The following GALNT17 variants were observed in gnomAD, a reference collection of about 807,000 sequenced individuals.
GALNT17 encodes the protein UDP-GalNAc:polypeptide N-acetylgalactosaminyltransferase-like 3.
A neutral mutation model predicts 63.7 loss-of-function variants in GALNT17; 29 were observed. The observed-to-expected ratio is 0.46, with a 90% CI of 0.34 to 0.62. The LOEUF (loss-of-function observed/expected upper bound fraction) is 0.62. Among genes scored for constraint, GALNT17 ranks in the 20% least tolerant of loss-of-function variants. The pLI, the probability that GALNT17 is intolerant of heterozygous loss-of-function variation, is 0.01. For synonymous variants in GALNT17, 305 were observed against 318.3 expected (o/e 0.96, Z 0.45); for missense variants, 603 against 799.6 (o/e 0.75, Z 2.97).
intron 5 of GALNT17, among the ~76,000 whole-genome samples, chr7:71,507,886 C>T (rs1788292888): frequency 6.6e-6 from 1 of 152,172 alleles, no homozygotes; most frequent in Admixed American, 6.5e-5. Flanking sequence ...CAGCATGCAG[C>T]TCACAGGCTT....
chr7:71,177,159 T>C (rs1218313998), intron 1 of GALNT17, among the ~76,000 whole-genome samples: 1 of 152,136 alleles, frequency 6.6e-6, no homozygotes, highest in Non-Finnish European at 1.5e-5. Flanking sequence ...TGTCCTCATA[T>C]GTTCGAGGAC....
intron 6 of GALNT17, among the ~76,000 whole-genome samples, chr7:71,586,718 TTTTA>T (rs1248304360): frequency 2.0e-5 from 3 of 152,094 alleles, no homozygotes; most frequent in African/African-American, 4.8e-5. Flanking sequence ...GAAAGGATTC[TTTTA>T]TTTATTTATT....
Position 71,385,604 on chromosome 7 carries a change from G to T in GALNT17, c.423-2631G>T, listed in dbSNP as rs892680874. Among the ~76,000 whole-genome samples the T allele has an allele frequency of 3.3e-5, 5 of 152,292 alleles. No homozygotes were observed. The East Asian group carries it at 9.7e-4, about 29-fold the overall frequency. On this transcript the variant is annotated intron_variant, in intron 2 of 10. Transcript: ENST00000333538. ...CCCGCCAGCCTGATTAACCCCAGGG[G>T]AGGTGGAGCCGGCTTCTGCTCACCC...
chr7:71,489,896 G>C (rs1003512590), intron 5 of GALNT17, among the ~76,000 whole-genome samples: 1 of 152,152 alleles, frequency 6.6e-6, no homozygotes, highest in Admixed American at 6.5e-5. Flanking sequence ...CATTGGCCAC[G>C]CTGTGTAATC....
At chr7:71,171,202 G>A (rs1394687051) in intron 1 of GALNT17, among the ~76,000 whole-genome samples, 1 of 152,202 alleles carries the variant, frequency 6.6e-6, no homozygotes, top group Non-Finnish European at 1.5e-5. Context: ...GCTTTGTGAA[G>A]TTAGCTATTA....
chr7:71,539,147 G>C (rs1202970296), intron 5 of GALNT17, among the ~76,000 whole-genome samples: 2 of 152,064 alleles, frequency 1.3e-5, no homozygotes, highest in African/African-American at 4.8e-5. Flanking sequence ...GGCCACGCTA[G>C]TCTCAAACTC....
rs549226966 is a variant in GALNT17 at position 71,448,457 on chromosome 7, AATCTCTGATTTTTC to A, written c.962+27357_962+27370del. Among the ~76,000 whole-genome samples, 565 of 151,356 alleles carry A rather than the reference AATCTCTGATTTTTC, an allele frequency of 3.7e-3. 3 individuals are homozygous for A. Among genetic ancestry groups the A allele is most frequent in the African/African-American group, 0.013 (520 of 41,258 alleles). On this transcript the variant is annotated intron_variant, in intron 5 of 10. Coordinates refer to ENST00000333538, the MANE Select transcript of GALNT17 (RefSeq NM_022479.3). Reference sequence around the variant, plus strand: ...GTGGACTGTTTCTTTGTTTTTCTTTAATCTCTGATTTTTCATCTTTTATCTTTTGTCTGTATTTC... The same window carrying A: ...GTGGACTGTTTCTTTGTTTTTCTTTAATCTTTTATCTTTTGTCTGTATTTC...
chr7:71,313,824 A>G (rs965967003), intron 1 of GALNT17, among the ~76,000 whole-genome samples: 1 of 152,134 alleles, frequency 6.6e-6, no homozygotes, highest in Non-Finnish European at 1.5e-5. Flanking sequence ...CAGAGTAACT[A>G]TTTCGGTGGT....
At chr7:71,583,336 C>G (rs148948331) in intron 6 of GALNT17, among the ~76,000 whole-genome samples, 12,440 of 152,166 alleles carry the variant, frequency 0.082, 530 homozygotes, top group South Asian at 0.13. Context: ...CCTCATGATC[C>G]GCCCACCTCG....
chr7:71,458,637 G>A (rs1360035475), intron 5 of GALNT17, among the ~76,000 whole-genome samples: 1 of 152,158 alleles, frequency 6.6e-6, no homozygotes, highest in Non-Finnish European at 1.5e-5. Flanking sequence ...GGTGAATGCA[G>A]GGGTTTTACT....
chr7:71,263,327 C>G (rs571805391), intron 1 of GALNT17, among the ~76,000 whole-genome samples: 1 of 152,136 alleles, frequency 6.6e-6, no homozygotes, highest in East Asian at 2.0e-4. Context: ...CTACTGCACT[C>G]CAGCCTTGGC....
intron 1 of GALNT17, among the ~76,000 whole-genome samples, chr7:71,149,030 C>T (rs965924908): frequency 2.0e-5 from 3 of 151,864 alleles, no homozygotes; most frequent in Non-Finnish European, 4.4e-5. Flanking sequence ...CTCCTGGGCT[C>T]AAGCCTCCCA....
intron 2 of GALNT17, among the ~76,000 whole-genome samples, chr7:71,356,524 G>A (rs1792289322): frequency 6.6e-6 from 1 of 152,312 alleles, no homozygotes; most frequent in African/African-American, 2.4e-5. Flanking sequence ...AGCCTGCAGA[G>A]ATTGCATGGT....
At chr7:71,173,656 C>G (rs1188433165) in intron 1 of GALNT17, among the ~76,000 whole-genome samples, 2 of 152,042 alleles carry the variant, frequency 1.3e-5, no homozygotes, top group African/African-American at 4.8e-5. Flanking sequence ...ACTTGTAATC[C>G]CAGCTACTCA....
rs563308108 is a variant in GALNT17, at chr7:71,157,846, T to C, written c.238+24806T>C. 7.9e-5 allele frequency among the ~76,000 whole-genome samples: 12 copies of C among 151,934 alleles called. No individual in the cohort carries two copies. The East Asian group carries it at 2.3e-3, about 29-fold the overall frequency. On this transcript the variant is annotated intron_variant, in intron 1 of 10. Transcript: ENST00000333538. ...TCTGTCTTCATGAGGTTCACGTTTTTAACTCCCAAATATGAGTGAGACCAG... is the reference window on the plus strand; with the variant it reads ...TCTGTCTTCATGAGGTTCACGTTTTCAACTCCCAAATATGAGTGAGACCAG...
intron 5 of GALNT17, among the ~76,000 whole-genome samples, chr7:71,430,712 A>G (rs1157110795): frequency 1.3e-5 from 2 of 152,198 alleles, no homozygotes; most frequent in Non-Finnish European, 1.5e-5. Flanking sequence ...GTTGAAAGGG[A>G]TGCCTTGGAT....
chr7:71,585,097 G>A (rs1789695789), intron 6 of GALNT17, among the ~76,000 whole-genome samples: 1 of 152,000 alleles, frequency 6.6e-6, no homozygotes, highest in South Asian at 2.1e-4. Flanking sequence ...ATTTTTCTAA[G>A]CTGTAATTAG....
chr7:71,201,913 G>A (rs996544894), intron 1 of GALNT17, among the ~76,000 whole-genome samples: 2 of 152,176 alleles, frequency 1.3e-5, no homozygotes, highest in Non-Finnish European at 2.9e-5. Context: ...GATTACAGGC[G>A]TGAGCCACTG....
At chr7:71,376,425 G>GTTTTTTTTTTTTTTTTTTTTTTTTTTTTT (rs57171551) in intron 2 of GALNT17, among the ~76,000 whole-genome samples, 1 of 63,338 alleles carries the variant, frequency 1.6e-5, no homozygotes, top group Non-Finnish European at 2.7e-5. Flanking sequence ...GTTTGGAGTT[G>GTTTTTTTTTTTTTTTTTTTTTTTTTTTTT]TTTTTTTTTT....
Sources: gnomAD v4.1 joint callset for allele counts (sites outside exome capture counted in the v4.1 genomes callset) on GRCh38, gnomAD v4.1.1 for gene constraint, MANE v1.5 for transcripts, NCBI Gene and HGNC (gene_info 2026-07-23, HGNC 2026-07-21) for gene names.